SNX19: variants seen among roughly 807,000 people sequenced by gnomAD.
SNX19 encodes the protein sorting nexin-19.
Under a neutral mutation model 85.2 loss-of-function variants are expected in SNX19, and 60 were observed. That is an observed-to-expected ratio of 0.70 (90% CI 0.57 to 0.87). The LOEUF (loss-of-function observed/expected upper bound fraction) is 0.87, where lower values mean the gene tolerates loss of function less well. SNX19 is among the 40% of genes least tolerant of loss of function. SNX19 has a pLI of 0.00. For synonymous variants in SNX19, 520 were observed against 470.0 expected (o/e 1.11, Z -1.38); for missense variants, 1,201 against 1,217.8 (o/e 0.99, Z 0.21).
intron 5 of SNX19, among the ~76,000 whole-genome samples, chr11:130,907,225 C>T (rs1476727387): frequency 2.0e-5 from 3 of 152,164 alleles, no homozygotes; most frequent in Non-Finnish European, 4.4e-5. Context: ...GACTCATAAG[C>T]AGAGGTATCA....
intron 8 of SNX19, among the ~76,000 whole-genome samples, chr11:130,896,170 G>A (rs1021687647): frequency 6.6e-6 from 1 of 152,206 alleles, no homozygotes; most frequent in African/African-American, 2.4e-5. Context: ...GCAAAAGTAT[G>A]CGTATTTCTA....
At chr11:130,885,805 A>T (rs4370948) in intron 8 of SNX19, among the ~76,000 whole-genome samples, 1 of 151,990 alleles carries the variant, frequency 6.6e-6, no homozygotes, top group African/African-American at 2.4e-5. Context: ...GGAAAAGAGA[A>T]AGAAAAGGAA....
chr11:130,875,082 G>A lies in SNX19; in HGVS notation c.*3340C>T, dbSNP rs10791102. On this transcript the variant is annotated 3_prime_UTR_variant, in exon 11 of 11. Coordinates refer to ENST00000265909, the MANE Select transcript of SNX19 (RefSeq NM_014758.3). Reference sequence around the variant, plus strand: ...ACACTCCCATGTTCACTGCAGCATTGTTTTCAACAATCAAGGCGCGGAGCC... The same window carrying A: ...ACACTCCCATGTTCACTGCAGCATTATTTTCAACAATCAAGGCGCGGAGCC... Among the ~76,000 whole-genome samples, 66,585 of 152,164 alleles carry A rather than the reference G, an allele frequency of 0.44. 14,861 individuals carry two copies. Among genetic ancestry groups the A allele is most frequent in the South Asian group, 0.56 (2,724 of 4,824 alleles).
chr11:130,915,082 T>C lies in SNX19; in HGVS notation c.858A>G (p.Ser286=). The C allele has an allele frequency of 6.2e-7, 1 of 1,613,996 alleles. No homozygotes were observed. The highest frequency in any genetic ancestry group is 8.5e-7 in the Non-Finnish European group (1 of 1,179,924). Residue 286 remains serine (S), a synonymous_variant, in exon 1 of 11, where the codon TCA becomes TCG. Transcript: ENST00000265909. ...PCPASAPEQP[S]VPTSLPLIAE... Reference sequence around the variant, plus strand: ...CAATCAGTGGCAGAGATGTCGGCACTGAGGGCTGTTCGGGGGCACTGGCTG... The same window carrying C: ...CAATCAGTGGCAGAGATGTCGGCACCGAGGGCTGTTCGGGGGCACTGGCTG...
intron 9 of SNX19, 85 bp downstream of exon 9, chr11:130,880,537 A>T: frequency 7.9e-7 from 1 of 1,264,494 alleles, no homozygotes; most frequent in South Asian, 1.9e-5. Context: ...CCTTTTACAA[A>T]CAGGAAAAGG....
At chr11:130,895,812 C>T (rs923918533) in intron 8 of SNX19, among the ~76,000 whole-genome samples, 6 of 152,160 alleles carry the variant, frequency 3.9e-5, no homozygotes, top group African/African-American at 1.4e-4. Flanking sequence ...GAGACTGTCA[C>T]TATGTGACAG....
intron 1 of SNX19, among the ~76,000 whole-genome samples, chr11:130,912,563 T>G (rs1946211194): frequency 6.6e-6 from 1 of 152,194 alleles, no homozygotes. Context: ...CGCCTTCTCA[T>G]TAGGAATGGG....
At position 130,871,543 on chromosome 11, in the gene SNX19, G is replaced by A. The variant is rs1316072220; in HGVS notation, c.*6879C>T. ...ACGTTCATGGTTAATCTTTTTGATAGTTACAGGAGCAGGATGATTCTTCAC... is the reference window on the plus strand; with the variant it reads ...ACGTTCATGGTTAATCTTTTTGATAATTACAGGAGCAGGATGATTCTTCAC... On this transcript the variant is annotated 3_prime_UTR_variant, in exon 11 of 11. Transcript: ENST00000265909. Among the ~76,000 whole-genome samples, 1 of 152,148 alleles carries A rather than the reference G, an allele frequency of 6.6e-6. No individual in the cohort carries two copies. The highest frequency in any genetic ancestry group is 1.5e-5 in the Non-Finnish European group (1 of 68,026).
At chr11:130,886,095 C>T (rs578205141) in intron 8 of SNX19, among the ~76,000 whole-genome samples, 139 of 152,288 alleles carry the variant, frequency 9.1e-4, no homozygotes, top group African/African-American at 3.0e-3. Context: ...AGAATTACTG[C>T]CTTAGACCCA....
At chr11:130,896,622 A>G (rs186082443) in intron 8 of SNX19, among the ~76,000 whole-genome samples, 76 of 152,278 alleles carry the variant, frequency 5.0e-4, no homozygotes, top group Non-Finnish European at 9.3e-4. Context: ...ACTTAAGTGG[A>G]ATCTTAAGGT....
At chr11:130,901,811 T>C (rs1945277143) in intron 8 of SNX19, 1 of 150,116 alleles carries the variant, frequency 6.7e-6, no homozygotes, top group African/African-American at 2.5e-5. Flanking sequence ...GCTTCTAAGT[T>C]GGCTTCAGAA....
chr11:130,904,361 C>T (rs1484972782), intron 7 of SNX19, among the ~76,000 whole-genome samples: 1 of 152,226 alleles, frequency 6.6e-6, no homozygotes, highest in Non-Finnish European at 1.5e-5. Flanking sequence ...CCCAAGCTCT[C>T]CTTGAACATG....
At chr11:130,911,999 TC>T (rs1045662462) in intron 1 of SNX19, among the ~76,000 whole-genome samples, 1 of 152,180 alleles carries the variant, frequency 6.6e-6, no homozygotes, top group Non-Finnish European at 1.5e-5. Flanking sequence ...AAGCTCCCTC[TC>T]CCAGATACTT....
intron 8 of SNX19, among the ~76,000 whole-genome samples, chr11:130,890,427 A>G (rs1336148959): frequency 6.6e-6 from 1 of 152,116 alleles, no homozygotes; most frequent in African/African-American, 2.4e-5. Flanking sequence ...ATTTTTCTCA[A>G]TTGCAAATTT....
intron 8 of SNX19, among the ~76,000 whole-genome samples, chr11:130,891,676 A>G (rs1396976948): frequency 6.6e-6 from 1 of 152,200 alleles, no homozygotes; most frequent in African/African-American, 2.4e-5. Flanking sequence ...GGGGGAGGAA[A>G]GACCAAAAGC....
chr11:130,903,716 TACACAC>T lies in SNX19; in HGVS notation c.2444-338_2444-333del, dbSNP rs35654790. On this transcript the variant is annotated intron_variant, in intron 7 of 10. Transcript: ENST00000265909. Reference sequence around the variant, plus strand: ...ATATACATATATATATATATACACATACACACACACACACACACACACACACACACA... The same window carrying T: ...ATATACATATATATATATATACACATACACACACACACACACACACACACA... Among the ~76,000 whole-genome samples the T allele has an allele frequency of 9.2e-3, 1,314 of 143,358 alleles. 12 individuals carry two copies. The highest frequency in any genetic ancestry group is 0.024 in the African/African-American group (922 of 38,604). The allele number at this position is 143,358 out of a possible 152,430, so 94.0% of individuals were successfully genotyped here. A position where few individuals can be genotyped will look rare whatever the true frequency, so the allele number is the denominator to read the frequency against.
At chr11:130,897,302 C>G (rs1346014159) in intron 8 of SNX19, among the ~76,000 whole-genome samples, 1 of 152,074 alleles carries the variant, frequency 6.6e-6, no homozygotes, top group Non-Finnish European at 1.5e-5. Flanking sequence ...ACCTTTCCCC[C>G]TGGCTTTCTG....
intron 9 of SNX19, 84 bp downstream of exon 9, chr11:130,880,538 C>A: frequency 7.9e-7 from 1 of 1,269,420 alleles, no homozygotes; most frequent in Non-Finnish European, 1.1e-6. Context: ...CTTTTACAAA[C>A]AGGAAAAGGT....
At chr11:130,903,679 A>T (rs962418669) in intron 7 of SNX19, among the ~76,000 whole-genome samples, 2 of 147,732 alleles carry the variant, frequency 1.4e-5, no homozygotes, top group African/African-American at 5.0e-5. Context: ...CTAAATATAT[A>T]TATGTGTGTA....
Sources: allele counts gnomAD v4.1 joint callset (sites outside exome capture counted in the v4.1 genomes callset), GRCh38; gene constraint gnomAD v4.1.1; transcripts MANE v1.5; gene names NCBI Gene and HGNC (gene_info 2026-07-23, HGNC 2026-07-21).